Variants in RYR2 observed in about 807,000 individuals in gnomAD.
The protein encoded by RYR2 is ryanodine receptor 2, also known as cardiac muscle ryanodine receptor-calcium release channel.
In RYR2, 227 loss-of-function variants were observed where a neutral mutation model predicts 601.1. That is an observed-to-expected ratio of 0.38 (90% confidence interval 0.34 to 0.42). The LOEUF (loss-of-function observed/expected upper bound fraction) is 0.42, where lower values mean the gene tolerates loss of function less well. RYR2 is among the 10% of genes least tolerant of loss of function. The pLI, the probability that RYR2 is intolerant of heterozygous loss-of-function variation, is 1.00. For synonymous variants in RYR2, 2,223 were observed against 2,175.1 expected (o/e 1.02, Z -0.61); for missense variants, 4,646 against 6,156.5 (o/e 0.75, Z 8.21).
chr1:237,600,017 C>T (rs1676326679), intron 34 of RYR2, among the ~76,000 whole-genome samples: 1 of 151,982 alleles, frequency 6.6e-6, no homozygotes, highest in African/African-American at 2.4e-5. Flanking sequence ...ATTACAGATT[C>T]AGTGAAGTCC....
intron 12 of RYR2, among the ~76,000 whole-genome samples, chr1:237,440,157 A>G (rs983152090): frequency 6.6e-6 from 1 of 152,108 alleles, no homozygotes; most frequent in Non-Finnish European, 1.5e-5. Flanking sequence ...GTTCATAATC[A>G]TTTTCAGGTC....
chr1:237,532,649 C>T (rs909855853), intron 25 of RYR2, among the ~76,000 whole-genome samples: 3 of 152,068 alleles, frequency 2.0e-5, no homozygotes, highest in African/African-American at 7.2e-5. Context: ...TACTCTTTTA[C>T]TCAGAAGAAT....
chr1:237,559,588 C>A (rs1671253161), intron 27 of RYR2, among the ~76,000 whole-genome samples: 1 of 152,074 alleles, frequency 6.6e-6, no homozygotes, highest in East Asian at 1.9e-4. Flanking sequence ...TTATTTAGTT[C>A]TTTGAACAGA....
chr1:237,733,590 T>C (rs1690879443), intron 78 of RYR2, 115 bp from the exon 79 acceptor site: 2 of 715,050 alleles, frequency 2.8e-6, no homozygotes, highest in Non-Finnish European at 5.0e-6. Flanking sequence ...TCATTTAATT[T>C]TAAAAAGGTA....
chr1:237,519,046 AC>A (rs1666835338), intron 24 of RYR2, among the ~76,000 whole-genome samples: 1 of 152,054 alleles, frequency 6.6e-6, no homozygotes, highest in South Asian at 2.1e-4. Flanking sequence ...TTTCTCATAT[AC>A]CTGTTAGCCA....
chr1:237,671,145 T>C (rs1490967949), intron 58 of RYR2, among the ~76,000 whole-genome samples: 1 of 152,200 alleles, frequency 6.6e-6, no homozygotes, highest in Non-Finnish European at 1.5e-5. Context: ...TCTTTAATTC[T>C]CTTACTGCAT....
intron 19 of RYR2, among the ~76,000 whole-genome samples, chr1:237,494,943 A>ATCC (rs1663884076): frequency 2.0e-5 from 3 of 151,984 alleles, no homozygotes; most frequent in Non-Finnish European, 4.4e-5. Context: ...GGTGCACACC[A>ATCC]CCACACCCAG....
At chr1:237,157,958 T>C (rs1675583890) in intron 1 of RYR2, among the ~76,000 whole-genome samples, 1 of 152,342 alleles carries the variant, frequency 6.6e-6, no homozygotes, top group Admixed American at 6.5e-5. Context: ...GATTTCATCA[T>C]TATACATTGT....
chr1:237,132,687 A>C (rs934321655), intron 1 of RYR2, among the ~76,000 whole-genome samples: 1 of 152,206 alleles, frequency 6.6e-6, no homozygotes, highest in African/African-American at 2.4e-5. Flanking sequence ...CAGAAGGAAA[A>C]GAAAGGGGTA....
chr1:237,482,520 C>G (rs1346451050), intron 17 of RYR2, among the ~76,000 whole-genome samples: 1 of 152,136 alleles, frequency 6.6e-6, no homozygotes, highest in African/African-American at 2.4e-5. Flanking sequence ...CATGTTGTTG[C>G]AAATGACTGG....
At chr1:237,506,470 G>A (rs1291959822) in intron 22 of RYR2, among the ~76,000 whole-genome samples, 3 of 151,808 alleles carry the variant, frequency 2.0e-5, no homozygotes, top group Admixed American at 2.0e-4. Context: ...CCCGAGAGGC[G>A]GAGCTTGCAG....
chr1:237,647,346 G>A (rs1488770610), intron 48 of RYR2, among the ~76,000 whole-genome samples: 1 of 152,150 alleles, frequency 6.6e-6, no homozygotes, highest in African/African-American at 2.4e-5. Context: ...AATTGTGTAA[G>A]ATCGTGTCAG....
intron 8 of RYR2, among the ~76,000 whole-genome samples, 183 bp from the exon 9 acceptor site, chr1:237,387,098 G>A (rs1025879643): frequency 3.9e-5 from 6 of 152,138 alleles, no homozygotes; most frequent in South Asian, 4.1e-4. Flanking sequence ...TTAAAAATCC[G>A]TAAATTCAGA....
intron 1 of RYR2, among the ~76,000 whole-genome samples, chr1:237,126,955 G>A (rs910910465): frequency 2.0e-5 from 3 of 151,704 alleles, no homozygotes; most frequent in Non-Finnish European, 4.4e-5. Context: ...TTGTGTCCCT[G>A]GGTACTTGAG....
intron 1 of RYR2, among the ~76,000 whole-genome samples, chr1:237,253,405 G>T (rs1687665234): frequency 6.6e-6 from 1 of 152,118 alleles, no homozygotes; most frequent in Admixed American, 6.5e-5. Context: ...TTTCTGCAAT[G>T]CAGATACTTT....
At chr1:237,760,922 C>T (rs1386191261) in intron 83 of RYR2, 33 bp from the exon 84 acceptor site, 1 of 1,387,970 alleles carries the variant, frequency 7.2e-7, no homozygotes, top group Non-Finnish European at 1.0e-6. Flanking sequence ...TCTATTAGTC[C>T]TCTAAATGTT....
chr1:237,409,000 T>G (rs1262237949), intron 10 of RYR2, among the ~76,000 whole-genome samples: 1 of 152,152 alleles, frequency 6.6e-6, no homozygotes, highest in Admixed American at 6.5e-5. Context: ...GAAATTGATT[T>G]TTGTGTATTA....
chr1:237,234,998 A>AC (rs1034305313), intron 1 of RYR2, among the ~76,000 whole-genome samples: 37 of 151,072 alleles, frequency 2.4e-4, no homozygotes, highest in Non-Finnish European at 5.2e-4. Context: ...TGATGTAGTA[A>AC]CCCCCCCTGG....
chr1:237,202,703 C>T (rs1000453190), intron 1 of RYR2, among the ~76,000 whole-genome samples: 18 of 152,262 alleles, frequency 1.2e-4, no homozygotes, highest in Admixed American at 9.2e-4. Flanking sequence ...CCACCGGGTC[C>T]GTCCTTTAAC....
Sources: allele counts gnomAD v4.1 joint callset (sites outside exome capture counted in the v4.1 genomes callset), GRCh38; gene constraint gnomAD v4.1.1; transcripts MANE v1.5; gene names NCBI Gene and HGNC (gene_info 2026-07-23, HGNC 2026-07-21).